The following HPSE2 variants were observed in gnomAD, a reference collection of about 807,000 sequenced individuals.
HPSE2 encodes heparanase 2 (inactive).
Under a neutral mutation model 60.5 loss-of-function variants are expected in HPSE2, and 38 were observed. That is an observed-to-expected ratio of 0.63 (90% CI 0.48 to 0.82). The LOEUF (loss-of-function observed/expected upper bound fraction) is 0.82. Among genes scored for constraint, HPSE2 ranks in the 40% least tolerant of loss-of-function variants. HPSE2 has a pLI of 0.00. For missense variants in HPSE2, 713 were observed against 740.4 expected, an observed-to-expected ratio of 0.96 and a Z score of 0.43; for synonymous variants, 295 against 293.2, an observed-to-expected ratio of 1.01 and a Z score of -0.06.
chr10:98,671,938 C>T (rs1211032632), intron 6 of HPSE2, among the ~76,000 whole-genome samples: 1 of 152,132 alleles, frequency 6.6e-6, no homozygotes, highest in Non-Finnish European at 1.5e-5. Flanking sequence ...TGAGGCTAAC[C>T]TCAAATTAAC....
intron 3 of HPSE2, among the ~76,000 whole-genome samples, chr10:99,037,960 T>C (rs1200335305): frequency 1.3e-5 from 2 of 152,080 alleles, no homozygotes; most frequent in African/African-American, 4.8e-5. Flanking sequence ...CACTAGCCAT[T>C]AGGGAAATGC....
chr10:98,460,369 A>C (rs2133573559), intron 11 of HPSE2, among the ~76,000 whole-genome samples: 1 of 107,672 alleles, frequency 9.3e-6, no homozygotes, highest in African/African-American at 4.0e-5. Context: ...GCTCATGCCT[A>C]TAATCTCAGC....
the HPSE2 span, among the ~76,000 whole-genome samples, chr10:99,305,883 G>C: frequency 4.5e-4 from 68 of 151,610 alleles, 2 homozygotes; most frequent in Non-Finnish European, 4.4e-5. Flanking sequence ...ATGGATGTGT[G>C]TAAAAATAGA....
chr10:98,605,508 C>T (rs951300001), intron 9 of HPSE2, among the ~76,000 whole-genome samples: 3 of 152,122 alleles, frequency 2.0e-5, no homozygotes, highest in African/African-American at 7.2e-5. Flanking sequence ...TAATAAACCA[C>T]CAAATGTTCT....
At chr10:98,670,363 T>C (rs1186822209) in intron 6 of HPSE2, among the ~76,000 whole-genome samples, 8 of 152,194 alleles carry the variant, frequency 5.3e-5, no homozygotes, top group African/African-American at 1.7e-4. Flanking sequence ...AAAACTGTCT[T>C]TGAATTTTGC....
At chr10:98,907,998 T>A (rs1953871320) in intron 3 of HPSE2, among the ~76,000 whole-genome samples, 1 of 152,182 alleles carries the variant, frequency 6.6e-6, no homozygotes, top group Non-Finnish European at 1.5e-5. Context: ...CTCAGAACAC[T>A]CATTATCAAG....
chr10:98,802,099 A>C (rs1950922658), intron 3 of HPSE2, among the ~76,000 whole-genome samples: 1 of 152,126 alleles, frequency 6.6e-6, no homozygotes, highest in South Asian at 2.1e-4. Flanking sequence ...CAGTCACTTC[A>C]ATAAAGAATG....
intron 3 of HPSE2, among the ~76,000 whole-genome samples, chr10:99,088,523 T>C (rs747985869): frequency 6.6e-6 from 1 of 152,208 alleles, no homozygotes; most frequent in Non-Finnish European, 1.5e-5. Flanking sequence ...GTTGCTGTAA[T>C]TGCCATTATT....
intron 6 of HPSE2, among the ~76,000 whole-genome samples, chr10:98,656,453 CT>C (rs1249109375): frequency 6.6e-6 from 1 of 152,172 alleles, no homozygotes; most frequent in East Asian, 1.9e-4. Context: ...TGCACTGTCC[CT>C]ATGCATGCCT....
At chr10:99,309,073 A>T in the HPSE2 span, among the ~76,000 whole-genome samples, 1 of 152,174 alleles carries the variant, frequency 6.6e-6, no homozygotes, top group Non-Finnish European at 1.5e-5. Flanking sequence ...AAGAGGCCAG[A>T]TACAAAAGAC....
At chr10:98,544,596 C>T (rs1943593430) in intron 9 of HPSE2, among the ~76,000 whole-genome samples, 1 of 151,218 alleles carries the variant, frequency 6.6e-6, no homozygotes, top group East Asian at 1.9e-4. Context: ...GCCTGTAGTC[C>T]CAGCTACGCG....
At chr10:98,501,828 TAATAA>T (rs924102264) in intron 9 of HPSE2, among the ~76,000 whole-genome samples, 1 of 152,088 alleles carries the variant, frequency 6.6e-6, no homozygotes, top group African/African-American at 2.4e-5. Flanking sequence ...CTCCTAGAAC[TAATAA>T]AATAATTCAG....
At chr10:98,665,293 G>A (rs982143086) in intron 6 of HPSE2, among the ~76,000 whole-genome samples, 32 of 152,232 alleles carry the variant, frequency 2.1e-4, no homozygotes, top group African/African-American at 7.0e-4. Context: ...AATGTAAAGA[G>A]ACAAAATCTA....
intron 9 of HPSE2, among the ~76,000 whole-genome samples, chr10:98,610,717 C>A (rs1343246385): frequency 6.6e-6 from 1 of 152,194 alleles, no homozygotes; most frequent in African/African-American, 2.4e-5. Flanking sequence ...CCCACAAACA[C>A]ATATCAGATT....
At chr10:98,937,257 C>T (rs1247791367) in intron 3 of HPSE2, among the ~76,000 whole-genome samples, 2 of 143,782 alleles carry the variant, frequency 1.4e-5, no homozygotes, top group Non-Finnish European at 3.0e-5. Context: ...TGCAGCGCAC[C>T]GTGCGCAAGC....
intron 6 of HPSE2, among the ~76,000 whole-genome samples, chr10:98,644,792 G>A (rs1236159840): frequency 6.6e-6 from 1 of 152,130 alleles, no homozygotes; most frequent in African/African-American, 2.4e-5. Flanking sequence ...TGTGATACAT[G>A]GGAGATGAAA....
chr10:98,591,523 C>T (rs908364686), intron 9 of HPSE2, among the ~76,000 whole-genome samples: 16 of 152,008 alleles, frequency 1.1e-4, no homozygotes, highest in African/African-American at 2.2e-4. Context: ...ATTAGCCAGG[C>T]GTGGTAGTGT....
chr10:99,233,389 G>C (rs549681179), intron 1 of HPSE2, among the ~76,000 whole-genome samples: 1 of 152,292 alleles, frequency 6.6e-6, no homozygotes, highest in South Asian at 2.1e-4. Context: ...TTGCCGAAAT[G>C]TGGAACCTGC....
Position 98,780,158 on chromosome 10 carries a change from T to C in HPSE2, c.611-36102A>G, listed in dbSNP as rs565338943. On this transcript the variant is annotated intron_variant, in intron 3 of 11. Transcript: ENST00000370552. ...TAGAAAGGAGGTTCTGAGATCTGTT[T>C]ACAAAGTGCTCAGAAAGCAGGTGAT... 2.6e-5 allele frequency among the ~76,000 whole-genome samples: 4 copies of C among 152,236 alleles called. No individual in the cohort carries two copies. In the South Asian group the frequency reaches 8.3e-4, roughly 32 times the overall value.
Sources: gnomAD v4.1 joint callset for allele counts (sites outside exome capture counted in the v4.1 genomes callset) on GRCh38, gnomAD v4.1.1 for gene constraint, MANE v1.5 for transcripts, NCBI Gene and HGNC (gene_info 2026-07-23, HGNC 2026-07-21) for gene names.